AGBL4: variants seen among roughly 807,000 people sequenced by gnomAD.
The protein encoded by AGBL4 is cytosolic carboxypeptidase 6.
AGBL4 carries 58 observed loss-of-function variants against 66.4 expected under a neutral mutation model. The ratio of observed to expected loss-of-function variants is 0.87; its 90% CI spans 0.71 to 1.09. The LOEUF is 1.09. Ranked by LOEUF, AGBL4 falls within the 50% of genes least tolerant of loss-of-function variation. AGBL4 has a pLI of 0.00. For synonymous variants in AGBL4, 234 were observed against 222.9 expected (o/e 1.05, Z -0.44); for missense variants, 579 against 631.0 (o/e 0.92, Z 0.88).
intron 5 of AGBL4, among the ~76,000 whole-genome samples, chr1:48,948,219 T>A (rs568858940): frequency 6.6e-6 from 1 of 152,166 alleles, no homozygotes; most frequent in Non-Finnish European, 1.5e-5. Flanking sequence ...CTGGAACAGA[T>A]CCCTCCCTGC....
At chr1:48,746,365 G>A (rs1176319275) in intron 6 of AGBL4, among the ~76,000 whole-genome samples, 3 of 152,092 alleles carry the variant, frequency 2.0e-5, no homozygotes, top group African/African-American at 7.2e-5. Flanking sequence ...TGCCCCTAGT[G>A]CTTAGCACAG....
intron 6 of AGBL4, among the ~76,000 whole-genome samples, chr1:48,682,660 T>G (rs952055199): frequency 6.6e-6 from 1 of 152,220 alleles, no homozygotes; most frequent in Non-Finnish European, 1.5e-5. Context: ...CCCAAAATGC[T>G]GGGACTACAG....
At chr1:49,038,566 A>AGATAT (rs1332718147) in intron 5 of AGBL4, among the ~76,000 whole-genome samples, 1 of 152,204 alleles carries the variant, frequency 6.6e-6, no homozygotes, top group East Asian at 1.9e-4. Flanking sequence ...TTACAAAAGA[A>AGATAT]GATATACAAA....
intron 3 of AGBL4, among the ~76,000 whole-genome samples, chr1:49,495,708 CCTTTT>C (rs1647491260): frequency 6.6e-6 from 1 of 151,772 alleles, no homozygotes; most frequent in Non-Finnish European, 1.5e-5. Flanking sequence ...TAAACTTTTT[CCTTTT>C]ATCTTCACAT....
At chr1:49,106,066 A>G (rs577594629) in intron 4 of AGBL4, among the ~76,000 whole-genome samples, 2 of 152,324 alleles carry the variant, frequency 1.3e-5, no homozygotes, top group South Asian at 4.1e-4. Context: ...CTAGGAGTTC[A>G]GTTTACCTAA....
intron 5 of AGBL4, among the ~76,000 whole-genome samples, chr1:48,967,972 G>A (rs1220995645): frequency 6.6e-6 from 1 of 152,026 alleles, no homozygotes; most frequent in Non-Finnish European, 1.5e-5. Flanking sequence ...TTTGTTATTT[G>A]TTTTGTTTTG....
At chr1:49,561,648 T>C (rs573504686) in intron 3 of AGBL4, among the ~76,000 whole-genome samples, 3 of 152,146 alleles carry the variant, frequency 2.0e-5, no homozygotes, top group Admixed American at 2.0e-4. Flanking sequence ...CATCATTTTT[T>C]ATGGCTGCAT....
Position 48,662,440 on chromosome 1 carries a change from A to G in AGBL4, c.724+712T>C, listed in dbSNP as rs141992380. On this transcript the variant is annotated intron_variant, in intron 7 of 13. Coordinates refer to ENST00000371839, the MANE Select transcript of AGBL4 (RefSeq NM_032785.4). ...ACCTCCCTTGAGTTATAGAACCTAC[A>G]CAGGCGTTTCATATCTCTTTGACCT... Among the ~76,000 whole-genome samples the G allele has an allele frequency of 7.6e-3, 1,151 of 152,322 alleles. 11 individuals are homozygous for G. The highest frequency in any genetic ancestry group is 0.032 in the South Asian group (156 of 4,822).
chr1:49,905,624 C>T (rs569906570), intron 1 of AGBL4, among the ~76,000 whole-genome samples: 2 of 152,244 alleles, frequency 1.3e-5, no homozygotes, highest in African/African-American at 4.8e-5. Flanking sequence ...TTGTCTGTAT[C>T]ACTTGGCTAT....
At chr1:49,442,730 T>A (rs1646062830) in intron 3 of AGBL4, among the ~76,000 whole-genome samples, 1 of 152,222 alleles carries the variant, frequency 6.6e-6, no homozygotes, top group South Asian at 2.1e-4. Context: ...AGTGTTGGTA[T>A]CCTTTTGATA....
chr1:49,794,715 C>T (rs889770953), intron 2 of AGBL4, among the ~76,000 whole-genome samples: 5 of 151,890 alleles, frequency 3.3e-5, no homozygotes, highest in Admixed American at 3.3e-4. Flanking sequence ...TGTTTATAGA[C>T]TCATGTTCCT....
intron 4 of AGBL4, among the ~76,000 whole-genome samples, chr1:49,086,144 C>A (rs1370485428): frequency 6.6e-6 from 1 of 151,622 alleles, no homozygotes. Flanking sequence ...AGCCAGGTGG[C>A]GATAGGCAAT....
intron 1 of AGBL4, among the ~76,000 whole-genome samples, chr1:50,016,939 T>C (rs960658790): frequency 3.9e-5 from 6 of 152,132 alleles, no homozygotes; most frequent in Non-Finnish European, 7.4e-5. Context: ...CTACTGAGTA[T>C]ATACCCAAAG....
At chr1:48,963,533 A>G (rs1400183128) in intron 5 of AGBL4, among the ~76,000 whole-genome samples, 1 of 150,266 alleles carries the variant, frequency 6.7e-6, no homozygotes, top group Non-Finnish European at 1.5e-5. Context: ...CAGACCTGTC[A>G]TCTCTCACAT....
At chr1:48,935,003 T>C (rs567370473) in intron 5 of AGBL4, among the ~76,000 whole-genome samples, 1 of 152,300 alleles carries the variant, frequency 6.6e-6, no homozygotes, top group African/African-American at 2.4e-5. Flanking sequence ...CATTCATTCA[T>C]TCAACAAAGA....
At chr1:48,830,071 G>T (rs976897955) in intron 6 of AGBL4, among the ~76,000 whole-genome samples, 3 of 152,122 alleles carry the variant, frequency 2.0e-5, no homozygotes, top group Non-Finnish European at 4.4e-5. Flanking sequence ...AGGTCTTAAT[G>T]ATGCAGGCAG....
At chr1:49,970,708 A>AAC (rs373722460) in intron 1 of AGBL4, among the ~76,000 whole-genome samples, 38,145 of 113,688 alleles carry the variant, frequency 0.34, 6,862 homozygotes, top group Non-Finnish European at 0.42. Flanking sequence ...AAAAAAACAA[A>AAC]ACACACACAC....
intron 5 of AGBL4, among the ~76,000 whole-genome samples, chr1:48,932,571 C>T (rs1351078533): frequency 6.6e-6 from 1 of 152,110 alleles, no homozygotes; most frequent in Admixed American, 6.6e-5. Flanking sequence ...TGCAATTACA[C>T]AGTTGCCAGG....
At chr1:49,284,516 A>G (rs1346277066) in intron 3 of AGBL4, among the ~76,000 whole-genome samples, 2 of 152,192 alleles carry the variant, frequency 1.3e-5, no homozygotes, top group African/African-American at 2.4e-5. Flanking sequence ...AAATTCACAT[A>G]TAACAATATT....
Sources: gnomAD v4.1 joint callset for allele counts (sites outside exome capture counted in the v4.1 genomes callset) on GRCh38, gnomAD v4.1.1 for gene constraint, MANE v1.5 for transcripts, NCBI Gene and HGNC (gene_info 2026-07-23, HGNC 2026-07-21) for gene names.